TIAM1: variants seen among roughly 807,000 people sequenced by gnomAD.
TIAM1 encodes the protein TIAM Rac1 associated GEF 1, also known as rho guanine nucleotide exchange factor TIAM1.
Under a neutral mutation model 163.5 loss-of-function variants are expected in TIAM1, and 65 were observed. That is an observed-to-expected ratio of 0.40 (90% CI 0.33 to 0.49). The LOEUF (loss-of-function observed/expected upper bound fraction) is 0.49. Among genes scored for constraint, TIAM1 ranks in the 20% least tolerant of loss-of-function variants. The probability of loss-of-function intolerance (pLI) is 0.77; values close to 1 mark genes in which losing one functional copy is unlikely to be tolerated. For synonymous variants in TIAM1, 833 were observed against 810.1 expected (o/e 1.03, Z -0.48); for missense variants, 1,789 against 2,044.7 (o/e 0.87, Z 2.41).
intron 6 of TIAM1, among the ~76,000 whole-genome samples, chr21:31,244,385 G>T (rs1482333302): frequency 2.0e-5 from 3 of 152,074 alleles, no homozygotes; most frequent in Non-Finnish European, 4.4e-5. Flanking sequence ...ACATTATAAA[G>T]ATTTGCTATG....
intron 8 of TIAM1, among the ~76,000 whole-genome samples, chr21:31,222,223 A>G (rs533630415): frequency 6.6e-6 from 1 of 152,340 alleles, no homozygotes; most frequent in East Asian, 1.9e-4. Context: ...GAAGAACAGC[A>G]CAGCTAAGGT....
chr21:31,473,018 G>A (rs2045802594), intron 1 of TIAM1, among the ~76,000 whole-genome samples: 2 of 152,130 alleles, frequency 1.3e-5, no homozygotes, highest in South Asian at 4.1e-4. Context: ...TGGTACCAAA[G>A]ATGCACGGTC....
Position 31,141,067 on chromosome 21 carries a change from A to G in TIAM1, c.3774+51T>C. On this transcript the variant is annotated intron_variant, in intron 22 of 27. Coordinates refer to ENST00000541036, the MANE Select transcript of TIAM1 (RefSeq NM_001353694.2). This position sits in a 1 kb window ranked among gnomAD's most constrained non-coding sequence, Gnocchi z 4.7. ...AAAATAAATAAATAAATAAAAGCAA[A>G]CTCAAACTCGGCTTTCCTGACAGAT... 2 of 1,400,150 alleles carry G rather than the reference A, an allele frequency of 1.4e-6. No homozygotes were observed. The highest frequency in any genetic ancestry group is 9.8e-7 in the Non-Finnish European group (1 of 1,018,800). 86.7% of individuals were successfully genotyped at this position (1,400,150 alleles called of 1,614,324 possible).
Position 31,524,490 on chromosome 21 carries a change from A to G in TIAM1, c.-422+34437T>C, listed in dbSNP as rs538777236. Among the ~76,000 whole-genome samples, 13 of 152,294 alleles carry G rather than the reference A, an allele frequency of 8.5e-5. No individual in the cohort carries two copies. In the South Asian group the frequency reaches 2.1e-3, roughly 24 times the overall value. On this transcript the variant is annotated intron_variant, in intron 1 of 28. Coordinates refer to the TIAM1 transcript ENST00000286827. ...ACAAGAGATTTGGAGGGGACATCCAACTATATTAGCTAGTGAATCCCAGAA... is the reference window on the plus strand; with the variant it reads ...ACAAGAGATTTGGAGGGGACATCCAGCTATATTAGCTAGTGAATCCCAGAA...
chr21:31,370,698 C>T (rs933073181), intron 2 of TIAM1, among the ~76,000 whole-genome samples: 1 of 152,132 alleles, frequency 6.6e-6, no homozygotes, highest in South Asian at 2.1e-4. Flanking sequence ...CCAGACTATA[C>T]CTCTGGGTGG....
intron 2 of TIAM1, among the ~76,000 whole-genome samples, chr21:31,389,192 C>A (rs1375223780): frequency 6.6e-6 from 1 of 152,108 alleles, no homozygotes; most frequent in Non-Finnish European, 1.5e-5. Context: ...TTTTCCCAAC[C>A]ATTTATTTTA....
intron 2 of TIAM1, among the ~76,000 whole-genome samples, chr21:31,305,934 C>G (rs1462228528): frequency 6.6e-6 from 1 of 152,120 alleles, no homozygotes; most frequent in African/African-American, 2.4e-5. Context: ...TCAGAAGCCC[C>G]AAAGGGCAAG....
At chr21:31,359,961 A>T (rs1271391332) in intron 2 of TIAM1, among the ~76,000 whole-genome samples, 1 of 152,172 alleles carries the variant, frequency 6.6e-6, no homozygotes, top group East Asian at 1.9e-4. Flanking sequence ...AAATGCAAAA[A>T]AGATACCAAC....
intron 5 of TIAM1, among the ~76,000 whole-genome samples, chr21:31,246,730 T>C (rs2071521508): frequency 6.6e-6 from 1 of 152,246 alleles, no homozygotes; most frequent in African/African-American, 2.4e-5. Context: ...CAACTTTTCC[T>C]AGCCTATAAT....
At chr21:31,424,145 C>T (rs1050973324) in intron 2 of TIAM1, among the ~76,000 whole-genome samples, 9 of 152,158 alleles carry the variant, frequency 5.9e-5, no homozygotes, top group African/African-American at 4.8e-5. Flanking sequence ...TTTTAGAAGA[C>T]GCATGGTCTT....
At position 31,210,194 on chromosome 21, in the gene TIAM1, G is replaced by C. The variant is rs1324294930; in HGVS notation, c.2239C>G (p.Pro747Ala). 3 of 1,614,098 alleles carry C rather than the reference G, an allele frequency of 1.9e-6. No individual in the cohort carries two copies. Among genetic ancestry groups the C allele is most frequent in the Non-Finnish European group, 2.5e-6 (3 of 1,180,018 alleles). Residue 747 changes from proline to alanine, a missense_variant, in exon 11 of 28, where the codon CCT becomes GCT. Physicochemically the swap from Pro to Ala is conservative, Grantham distance 27. Around this residue, in one of 5 missense-constraint regions of TIAM1, gnomAD observed 456 missense variants for 586.6 expected, o/e 0.78. Coordinates refer to ENST00000541036, the MANE Select transcript of TIAM1 (RefSeq NM_001353694.2). ...DGKREKEVVLPNVHQHNPDCD... is the reference protein window; with the variant it reads ...DGKREKEVVLANVHQHNPDCD... ...TCAGGGTTGTGCTGGTGAACGTTAGGTAAGACCACTTCTTTCTCCCTCTAT... is the reference window on the plus strand; with the variant it reads ...TCAGGGTTGTGCTGGTGAACGTTAGCTAAGACCACTTCTTTCTCCCTCTAT...
At chr21:31,187,240 T>C (rs928100227) in intron 13 of TIAM1, among the ~76,000 whole-genome samples, 153 bp from the exon 14 acceptor site, 2 of 152,248 alleles carry the variant, frequency 1.3e-5, no homozygotes, top group Non-Finnish European at 1.5e-5. Context: ...CAGAAAAGTG[T>C]ATTTTTAGAT....
rs924351787 is a variant in TIAM1, at chr21:31,477,631, C to G, written c.-421-13596G>C. Among the ~76,000 whole-genome samples the G allele has an allele frequency of 1.1e-4, 16 of 152,118 alleles. No homozygotes were observed. In the South Asian group the frequency reaches 3.1e-3, roughly 30 times the overall value. The stretch of plus-strand genomic sequence containing the variant: ...CTAGGAGTATAGGTGCACGCCACCA[C>G]GCCCAGCTGATTTTTGTATTTTTAG... On this transcript the variant is annotated intron_variant, in intron 1 of 28. Transcript: ENST00000286827.
chr21:31,534,175 G>A (rs1017965047), intron 1 of TIAM1, among the ~76,000 whole-genome samples: 7 of 152,192 alleles, frequency 4.6e-5, no homozygotes, highest in South Asian at 2.1e-4. Context: ...CACGCTAGGC[G>A]CTGACACTAA....
At chr21:31,505,230 A>C (rs1041204777) in intron 1 of TIAM1, among the ~76,000 whole-genome samples, 2 of 152,224 alleles carry the variant, frequency 1.3e-5, no homozygotes, top group Non-Finnish European at 1.5e-5. Context: ...GAGATCGTGA[A>C]TCCACCTCAC....
rs753722685 is a variant in TIAM1, at chr21:31,266,846, A to C, written c.127T>G (p.Ser43Ala). Reference protein sequence around the residue: ...SHKTRRTRHASSGKVIHRNSE... With the variant: ...SHKTRRTRHAASGKVIHRNSE... ...TTCCTGTGGATCACCTTCCCCGAGG[A>C]AGCGTGCCTGGTCCTCCGCGTCTTG... Residue 43 changes from serine (S) to alanine (A), a missense_variant, in exon 4 of 28, where the codon TCC becomes GCC. Around this residue, in one of 5 missense-constraint regions of TIAM1, gnomAD observed 555 missense variants for 564.9 expected, o/e 0.98. Coordinates refer to ENST00000541036, the MANE Select transcript of TIAM1 (RefSeq NM_001353694.2). 6.2e-7 allele frequency: 1 copy of C among 1,614,194 alleles called. No individual in the cohort carries two copies. Among genetic ancestry groups the C allele is most frequent in the Non-Finnish European group, 8.5e-7 (1 of 1,180,042 alleles).
chr21:31,386,293 G>T (rs2076870027), intron 2 of TIAM1, among the ~76,000 whole-genome samples: 1 of 152,038 alleles, frequency 6.6e-6, no homozygotes, highest in Non-Finnish European at 1.5e-5. Flanking sequence ...CCCCTATCCT[G>T]CCCTGCCCCT....
chr21:31,348,210 C>T (rs114965498), upstream of TIAM1, among the ~76,000 whole-genome samples: 1,079 of 152,288 alleles, frequency 7.1e-3, 14 homozygotes, highest in African/African-American at 0.025. Flanking sequence ...GATTGCTCTT[C>T]AGGGGTCTCC....
chr21:31,348,600 G>A (rs1174125079), upstream of TIAM1, among the ~76,000 whole-genome samples: 1 of 152,166 alleles, frequency 6.6e-6, no homozygotes. Flanking sequence ...GACTACCAAC[G>A]GATTGCCAAA....
Sources: allele counts gnomAD v4.1 joint callset (sites outside exome capture counted in the v4.1 genomes callset), GRCh38; gene constraint gnomAD v4.1.1; regional missense constraint gnomAD v4.1.1; non-coding constraint Gnocchi (gnomAD v3.1); transcripts MANE v1.5; gene names NCBI Gene and HGNC (gene_info 2026-07-23, HGNC 2026-07-21).